EVL: variants seen among roughly 807,000 people sequenced by gnomAD.
EVL encodes Enah/Vasp-like.
EVL carries 21 observed loss-of-function variants against 59.6 expected under a neutral mutation model. That is an observed-to-expected ratio of 0.35 (90% CI 0.25 to 0.51). The LOEUF is 0.51. Among genes scored for constraint, EVL ranks in the 20% least tolerant of loss-of-function variants. The probability of loss-of-function intolerance (pLI) is 0.97; values close to 1 mark genes in which losing one functional copy is unlikely to be tolerated. For missense variants in EVL, 462 were observed against 546.6 expected, an observed-to-expected ratio of 0.85 and a Z score of 1.54; for synonymous variants, 198 against 203.5, an observed-to-expected ratio of 0.97 and a Z score of 0.23.
At chr14:100,071,957 A>G (rs1348290462) in intron 1 of EVL, among the ~76,000 whole-genome samples, 1 of 152,158 alleles carries the variant, frequency 6.6e-6, no homozygotes, top group Non-Finnish European at 1.5e-5. Flanking sequence ...AGAAAAAAAA[A>G]TGGCACCCTA....
intron 1 of EVL, among the ~76,000 whole-genome samples, chr14:99,994,438 A>G (rs1458795212): frequency 6.6e-6 from 1 of 151,864 alleles, no homozygotes; most frequent in Non-Finnish European, 1.5e-5. Context: ...TATGTATTCT[A>G]TAGATATTTT....
At chr14:100,063,712 C>T (rs927602808), upstream of EVL, among the ~76,000 whole-genome samples, 1 of 152,166 alleles carries the variant, frequency 6.6e-6, no homozygotes, top group African/African-American at 2.4e-5. Flanking sequence ...CCACCATGAC[C>T]TAATTGACAT....
chr14:100,086,609 C>G (rs1446931921), intron 2 of EVL, among the ~76,000 whole-genome samples: 1 of 152,264 alleles, frequency 6.6e-6, no homozygotes, highest in Non-Finnish European at 1.5e-5. Flanking sequence ...CGCCTGTTCT[C>G]AGGGACCTCA....
At chr14:99,975,931 C>T (rs562798054) in intron 1 of EVL, among the ~76,000 whole-genome samples, 2 of 152,272 alleles carry the variant, frequency 1.3e-5, no homozygotes, top group South Asian at 4.1e-4. Flanking sequence ...CACTGTCTGT[C>T]TCTCTCCATC....
At chr14:100,033,578 G>C (rs1418658854) in intron 1 of EVL, among the ~76,000 whole-genome samples, 1 of 152,050 alleles carries the variant, frequency 6.6e-6, no homozygotes, top group Non-Finnish European at 1.5e-5. Flanking sequence ...AAACCTGTTG[G>C]GTATTCTAGC....
intron 1 of EVL, among the ~76,000 whole-genome samples, chr14:100,027,984 A>G (rs957426391): frequency 3.3e-5 from 5 of 152,114 alleles, no homozygotes; most frequent in South Asian, 2.1e-4. Context: ...CTCAATTCCT[A>G]TCTGGACCGT....
intron 1 of EVL, among the ~76,000 whole-genome samples, chr14:100,014,033 C>T (rs1193335581): frequency 6.6e-6 from 1 of 152,182 alleles, no homozygotes; most frequent in African/African-American, 2.4e-5. Flanking sequence ...GTGTTGCTGA[C>T]ATTCCAGTTA....
intron 1 of EVL, among the ~76,000 whole-genome samples, chr14:100,056,389 TA>T (rs553311467): frequency 1.1e-4 from 17 of 149,542 alleles, no homozygotes; most frequent in African/African-American, 2.2e-4. Context: ...ATTTTTATAC[TA>T]AAAAAAAAAT....
At chr14:100,054,519 C>T (rs900741241) in intron 1 of EVL, among the ~76,000 whole-genome samples, 18 of 152,164 alleles carry the variant, frequency 1.2e-4, no homozygotes, top group Non-Finnish European at 1.8e-4. Context: ...TTATCTGATG[C>T]GCACACACCA....
intron 1 of EVL, among the ~76,000 whole-genome samples, chr14:100,008,679 CT>C (rs2060998457): frequency 6.6e-6 from 1 of 152,152 alleles, no homozygotes; most frequent in Admixed American, 6.5e-5. Flanking sequence ...ATGAATATAT[CT>C]TTTAAAAAAT....
At chr14:100,107,210 A>T (rs1036719095) in intron 3 of EVL, 1 of 398,602 alleles carries the variant, frequency 2.5e-6, no homozygotes, top group East Asian at 3.6e-5. Flanking sequence ...AACTTACTAG[A>T]GTCATCGTGT....
In EVL at chr14:100,037,462, A is replaced by G. The variant is rs147358166; in HGVS notation, c.6-47225A>G. 2.9e-4 allele frequency among the ~76,000 whole-genome samples: 44 copies of G among 152,290 alleles called. 1 individual carries two copies. Among genetic ancestry groups the G allele is most frequent in the Admixed American group, 2.5e-3 (38 of 15,290 alleles). On this transcript the variant is annotated intron_variant, in intron 1 of 13. Transcript: ENST00000402714. ...ATACTCTGAAAATACTCTTGCACCT[A>G]CTTCTGTTTCTGTACTTCTCATGCC...
At chr14:100,077,632 G>A (rs1462579418) in intron 1 of EVL, among the ~76,000 whole-genome samples, 3 of 152,142 alleles carry the variant, frequency 2.0e-5, no homozygotes, top group African/African-American at 7.2e-5. Context: ...TGGACCATTT[G>A]CCTAGAACCA....
intron 2 of EVL, among the ~76,000 whole-genome samples, chr14:100,090,783 G>A (rs545143156): frequency 6.6e-6 from 1 of 152,172 alleles, no homozygotes; most frequent in South Asian, 2.1e-4. Context: ...ATCAGATAAA[G>A]GGTATCTACA....
intron 2 of EVL, among the ~76,000 whole-genome samples, chr14:100,088,475 C>T (rs1855944688): frequency 6.6e-6 from 1 of 152,152 alleles, no homozygotes; most frequent in Non-Finnish European, 1.5e-5. Context: ...ATGGTACAGC[C>T]TACTACACAC....
At chr14:100,088,747 G>T (rs1187410116) in intron 2 of EVL, among the ~76,000 whole-genome samples, 3 of 152,152 alleles carry the variant, frequency 2.0e-5, no homozygotes. Context: ...GAAGAGGAAA[G>T]GCACTCCTAC....
intron 1 of EVL, among the ~76,000 whole-genome samples, chr14:100,070,120 A>C (rs1195012292): frequency 6.6e-6 from 1 of 151,942 alleles, no homozygotes; most frequent in Non-Finnish European, 1.5e-5. Flanking sequence ...AATTAGCCAG[A>C]TGTGATAGTG....
At chr14:100,095,304 C>G (rs1305042739) in intron 2 of EVL, among the ~76,000 whole-genome samples, 2 of 152,136 alleles carry the variant, frequency 1.3e-5, no homozygotes, top group Non-Finnish European at 2.9e-5. Context: ...ACTAGAAATG[C>G]AACACCAAAA....
chr14:99,983,579 G>T (rs1052460218), intron 1 of EVL, among the ~76,000 whole-genome samples: 1 of 152,172 alleles, frequency 6.6e-6, no homozygotes, highest in African/African-American at 2.4e-5. Flanking sequence ...TTCTTTAAAA[G>T]GTTCCAGCAC....
Sources: allele counts gnomAD v4.1 joint callset (sites outside exome capture counted in the v4.1 genomes callset), GRCh38; gene constraint gnomAD v4.1.1; transcripts MANE v1.5; gene names NCBI Gene and HGNC (gene_info 2026-07-23, HGNC 2026-07-21).